Variants in CELA2B observed in about 807,000 individuals in gnomAD.
CELA2B encodes the protein chymotrypsin-like elastase family member 2B.
Under a neutral mutation model 36.5 loss-of-function variants are expected in CELA2B, and 27 were observed. The observed-to-expected ratio is 0.74, with a 90% CI of 0.55 to 1.02. The LOEUF is 1.02. Ranked by LOEUF, CELA2B falls within the 50% of genes least tolerant of loss-of-function variation. The pLI, the probability that CELA2B is intolerant of heterozygous loss-of-function variation, is 0.00. For synonymous variants in CELA2B, 143 were observed against 148.5 expected, an observed-to-expected ratio of 0.96 and a Z score of 0.27; for missense variants, 340 against 347.8, an observed-to-expected ratio of 0.98 and a Z score of 0.18.
intron 2 of CELA2B, among the ~76,000 whole-genome samples, chr1:15,477,862 C>A (rs1708690856): frequency 6.6e-6 from 1 of 152,160 alleles, no homozygotes; most frequent in Admixed American, 6.5e-5. Flanking sequence ...TAGGAGCAAA[C>A]CCAGCTGAAC....
chr1:15,490,527 T>C (rs549443353), intron 7 of CELA2B, among the ~76,000 whole-genome samples: 11 of 152,342 alleles, frequency 7.2e-5, no homozygotes, highest in Non-Finnish European at 1.5e-4. Context: ...CTGTAGCAGC[T>C]GGATATCCTG....
At chr1:15,485,788 C>G (rs1374302613) in intron 5 of CELA2B, 113 bp from the exon 6 acceptor site, 6 of 1,283,868 alleles carry the variant, frequency 4.7e-6, no homozygotes, top group Non-Finnish European at 6.6e-6. Context: ...CATGGCTGTT[C>G]CCATGTTGCA....
chr1:15,478,092 A>C (rs1340874244), intron 2 of CELA2B, among the ~76,000 whole-genome samples: 1 of 152,146 alleles, frequency 6.6e-6, no homozygotes, highest in Admixed American at 6.5e-5. Flanking sequence ...TGAGGTCAGC[A>C]GTTCAAGACC....
intron 7 of CELA2B, among the ~76,000 whole-genome samples, chr1:15,488,959 C>G (rs1461073927): frequency 8.5e-5 from 13 of 152,254 alleles, no homozygotes; most frequent in Admixed American, 4.6e-4. Context: ...AATGGAAAAT[C>G]AAAAAGACAG....
intron 3 of CELA2B, 89 bp downstream of exon 3, chr1:15,481,284 T>C: frequency 6.8e-7 from 1 of 1,464,958 alleles, no homozygotes; most frequent in African/African-American, 1.4e-5. Flanking sequence ...CCACACTACA[T>C]GAAGTAACCT....
intron 7 of CELA2B, chr1:15,490,992 T>C: frequency 2.5e-6 from 1 of 393,512 alleles, no homozygotes; most frequent in South Asian, 3.8e-5. Flanking sequence ...AATCTAAAAA[T>C]ATGCCATCCG....
At chr1:15,476,428 T>C (rs369630964) in intron 1 of CELA2B, 29 bp from the exon 2 acceptor site, 244 of 1,608,480 alleles carry the variant, frequency 1.5e-4, no homozygotes, top group Non-Finnish European at 2.0e-4. Flanking sequence ...CGCTGCTTCC[T>C]GGACTCAAGA....
intron 2 of CELA2B, among the ~76,000 whole-genome samples, chr1:15,477,088 T>C (rs1236672220): frequency 1.3e-5 from 2 of 152,198 alleles, no homozygotes; most frequent in African/African-American, 2.4e-5. Context: ...CCACTGCCCA[T>C]AAACAAATTT....
chr1:15,478,211 TATATATTGGG>T (rs778325803), intron 2 of CELA2B, among the ~76,000 whole-genome samples: 5 of 103,978 alleles, frequency 4.8e-5, no homozygotes, highest in Admixed American at 9.2e-5. Context: ...CATATATATA[TATATATTGGG>T]ATATATAGTT....
chr1:15,482,289 G>A lies in CELA2B; in HGVS notation c.252G>A (p.Met84Ile). 1 of 1,614,058 alleles carries A rather than the reference G, an allele frequency of 6.2e-7. No individual in the cohort carries two copies. Among genetic ancestry groups the A allele is most frequent in the African/African-American group, 1.3e-5 (1 of 75,040 alleles). The change falls in exon 4 of 8, where the codon ATG becomes ATA. Residue 84 changes from methionine to isoleucine, a missense_variant. Physicochemically the swap from Met to Ile is conservative, Grantham distance 10 (BLOSUM62 1). Transcript: ENST00000375910. ...CISSSGIYRV[M>I]LGQHNLYVAE... is the part of the protein sequence containing the mutation. The stretch of plus-strand genomic sequence containing the variant: ...GCTCCTCCGGGATCTACCGCGTGAT[G>A]CTGGGCCAGCATAACCTCTACGTTG...
At chr1:15,482,691 C>A (rs1204816954) in intron 4 of CELA2B, among the ~76,000 whole-genome samples, 2 of 152,208 alleles carry the variant, frequency 1.3e-5, no homozygotes, top group Non-Finnish European at 2.9e-5. Flanking sequence ...GACACAGAGA[C>A]AGTGCTGTCG....
chr1:15,482,223 G>T, intron 3 of CELA2B, 42 bp from the exon 4 acceptor site: 1 of 1,608,524 alleles, frequency 6.2e-7, no homozygotes, highest in Non-Finnish European at 8.5e-7. Context: ...TCAAAGCCAG[G>T]CCTCTGGAGG....
At position 15,490,638 on chromosome 1, in the gene CELA2B, C is replaced by G. The variant is rs58917548; in HGVS notation, c.793-657C>G. On this transcript the variant is annotated intron_variant, in intron 7 of 7. Coordinates refer to ENST00000375910, the MANE Select transcript of CELA2B (RefSeq NM_015849.3). ...ATCCGAGCACTTTGGGAAGCCGAGACGGGTAGATCACTTGAGGTCAGCAGT... is the reference window on the plus strand; with the variant it reads ...ATCCGAGCACTTTGGGAAGCCGAGAGGGGTAGATCACTTGAGGTCAGCAGT... Among the ~76,000 whole-genome samples, 3 of 152,088 alleles carry G rather than the reference C, an allele frequency of 2.0e-5. No homozygotes were observed. In the South Asian group the frequency reaches 6.2e-4, roughly 31 times the overall value.
At chr1:15,487,510 T>C (rs1173977230) in intron 7 of CELA2B, 73 bp downstream of exon 7, 2 of 1,569,322 alleles carry the variant, frequency 1.3e-6, no homozygotes, top group Admixed American at 3.4e-5. Context: ...CATGCCCACC[T>C]GGCGACTGAG....
At chr1:15,490,105 CT>C (rs1708859611) in intron 7 of CELA2B, among the ~76,000 whole-genome samples, 1 of 152,120 alleles carries the variant, frequency 6.6e-6, no homozygotes, top group African/African-American at 2.4e-5. Flanking sequence ...AACTCCTGAC[CT>C]CAGGTGATCT....
intron 7 of CELA2B, among the ~76,000 whole-genome samples, chr1:15,488,634 C>T (rs1291621385): frequency 6.6e-6 from 1 of 152,184 alleles, no homozygotes; most frequent in East Asian, 1.9e-4. Context: ...CATTTTTAGG[C>T]ACTAGAGCAA....
At chr1:15,487,144 C>T (rs376536651) in intron 6 of CELA2B, 141 bp from the exon 7 acceptor site, 10 of 728,636 alleles carry the variant, frequency 1.4e-5, no homozygotes, top group South Asian at 8.4e-5. Flanking sequence ...AATTATGGTA[C>T]CACCTTGAGC....
chr1:15,487,948 C>A (rs559625083), intron 7 of CELA2B, among the ~76,000 whole-genome samples: 1 of 149,122 alleles, frequency 6.7e-6, no homozygotes, highest in Non-Finnish European at 1.5e-5. Flanking sequence ...TACACTGGGA[C>A]CATCCCAGGC....
chr1:15,485,547 ATTTC>A (rs763510129), intron 5 of CELA2B, among the ~76,000 whole-genome samples: 1 of 152,250 alleles, frequency 6.6e-6, no homozygotes. Context: ...TCACTGAGAA[ATTTC>A]TTTCTTTGTG....
Sources: allele counts gnomAD v4.1 joint callset (sites outside exome capture counted in the v4.1 genomes callset), GRCh38; gene constraint gnomAD v4.1.1; transcripts MANE v1.5; gene names NCBI Gene and HGNC (gene_info 2026-07-23, HGNC 2026-07-21).